The following COL18A1 variants were observed in gnomAD, a reference collection of about 807,000 sequenced individuals.
COL18A1 encodes collagen type XVIII alpha 1 chain, also known as collagen alpha-1(XVIII) chain.
Under a neutral mutation model 168.0 loss-of-function variants are expected in COL18A1, and 133 were observed. That is an observed-to-expected ratio of 0.79 (90% CI 0.69 to 0.91). The LOEUF is 0.91. Ranked by LOEUF, COL18A1 falls within the 40% of genes least tolerant of loss-of-function variation. The probability of loss-of-function intolerance (pLI) is 0.00; values close to 1 mark genes in which losing one functional copy is unlikely to be tolerated. For missense variants in COL18A1, 2,126 were observed against 1,925.4 expected, an observed-to-expected ratio of 1.10 and a Z score of -1.95; for synonymous variants, 949 against 809.0, an observed-to-expected ratio of 1.17 and a Z score of -2.94.
chr21:45,471,175 T>C lies in COL18A1; in HGVS notation c.651+2389T>C, dbSNP rs1478245899. On this transcript the variant is annotated intron_variant, in intron 3 of 41. Transcript: ENST00000651438. The surrounding 1 kb of genome is among the most constrained non-coding windows in gnomAD (Gnocchi z 4.4). The stretch of plus-strand genomic sequence containing the variant: ...TGGCGTGCAGCAGGCCGTGTGCTGC[T>C]GGGCGTGGGTGGCGCGCTATGGGCC... Among the ~76,000 whole-genome samples the C allele has an allele frequency of 3.9e-5, 6 of 152,006 alleles. No homozygotes were observed. The highest frequency in any genetic ancestry group is 8.8e-5 in the Non-Finnish European group (6 of 67,996).
chr21:45,498,838 G>A lies in COL18A1; in HGVS notation c.2683+1177G>A, dbSNP rs188746236. On this transcript the variant is annotated intron_variant, in intron 32 of 41. Coordinates refer to ENST00000651438, the MANE Select transcript of COL18A1 (RefSeq NM_001379500.1). The surrounding 1 kb of genome is among the most constrained non-coding windows in gnomAD (Gnocchi z 4.5). Reference sequence around the variant, plus strand: ...AAGGTCACACATTCAAAAGCCACAGGAAGTCTGGAGATGGCAGCAGAGAGC... The same window carrying A: ...AAGGTCACACATTCAAAAGCCACAGAAAGTCTGGAGATGGCAGCAGAGAGC... Among the ~76,000 whole-genome samples the A allele has an allele frequency of 6.6e-6, 1 of 152,322 alleles. No individual in the cohort carries two copies. Among genetic ancestry groups the A allele is most frequent in the African/African-American group, 2.4e-5 (1 of 41,564 alleles).
At chr21:45,496,605 C>G (rs756879040) in intron 30 of COL18A1, 37 bp downstream of exon 30, 383 of 922,304 alleles carry the variant, frequency 4.2e-4, no homozygotes, top group Non-Finnish European at 2.0e-5. Flanking sequence ...TACAGCCACC[C>G]TTGGCTGTCA....
At chr21:45,419,332 T>C (rs146575410) in intron 2 of COL18A1, among the ~76,000 whole-genome samples, 1 of 150,776 alleles carries the variant, frequency 6.6e-6, no homozygotes, top group Non-Finnish European at 1.5e-5. Flanking sequence ...TGTAGTTACA[T>C]GATGCTGTGT....
intron 4 of COL18A1, 106 bp downstream of exon 4, chr21:45,474,087 G>A (rs2035544329): frequency 9.6e-6 from 8 of 831,100 alleles, no homozygotes; most frequent in Non-Finnish European, 1.6e-5. Context: ...ACCACTTGGG[G>A]CACTGGGAAG....
chr21:45,445,646 A>G (rs1025808041), intron 2 of COL18A1, among the ~76,000 whole-genome samples: 2 of 152,106 alleles, frequency 1.3e-5, no homozygotes, highest in Admixed American at 6.5e-5. Context: ...TTTCCAGCCC[A>G]TGTTGGGTGT....
In COL18A1 at chr21:45,482,668, T is replaced by C. The variant is rs78304799; in HGVS notation, c.1675-127T>C. On this transcript the variant is annotated intron_variant, in intron 14 of 41. Transcript: ENST00000651438. ...ACAGCGGCAACAGCCTCAGAAACTA[T>C]TAAACCGGCACAGGCAGCAAAGCAG... 299 of 1,414,006 alleles carry C rather than the reference T, an allele frequency of 2.1e-4. 3 individuals are homozygous for C. The East Asian group carries it at 7.0e-3, about 33-fold the overall frequency. The allele number at this position is 1,414,006 out of a possible 1,614,324, so 87.6% of individuals were successfully genotyped here. A position where few individuals can be genotyped will look rare whatever the true frequency, so the allele number is the denominator to read the frequency against.
intron 37 of COL18A1, chr21:45,506,974 AGGC>A: frequency 7.4e-6 from 2 of 268,472 alleles, no homozygotes; most frequent in Non-Finnish European, 1.5e-5. Context: ...GTGTGCTTGT[AGGC>A]ACCCGGATGC....
intron 15 of COL18A1, among the ~76,000 whole-genome samples, chr21:45,484,078 T>A: frequency 9.0e-6 from 1 of 111,234 alleles, no homozygotes; most frequent in South Asian, 3.0e-4. Flanking sequence ...TTCTCCAGCA[T>A]ATGTACACAC....
intron 2 of COL18A1, 110 bp from the exon 3 acceptor site, chr21:45,468,132 C>A: frequency 1.6e-6 from 2 of 1,217,556 alleles, no homozygotes; most frequent in Admixed American, 1.9e-5. Flanking sequence ...AGAGCCCTCC[C>A]AGACTCAGTT....
intron 2 of COL18A1, among the ~76,000 whole-genome samples, chr21:45,461,903 C>T (rs936507573): frequency 1.3e-5 from 2 of 152,152 alleles, no homozygotes; most frequent in Admixed American, 6.5e-5. Flanking sequence ...GACTAGTGTC[C>T]TTTCATTTTA....
chr21:45,430,721 A>C (rs1048149558), intron 2 of COL18A1, among the ~76,000 whole-genome samples: 4 of 152,054 alleles, frequency 2.6e-5, no homozygotes, highest in African/African-American at 4.8e-5. Context: ...TCTAGGCAGG[A>C]GGCTGCACTG....
intron 2 of COL18A1, chr21:45,456,403 G>T (rs2034817588): frequency 6.5e-7 from 1 of 1,546,090 alleles, no homozygotes; most frequent in Non-Finnish European, 8.7e-7. Flanking sequence ...CACTGTCTCA[G>T]GTCGCAGTCA....
Position 45,491,323 on chromosome 21 carries a change from G to A in COL18A1, c.2157+9G>A, listed in dbSNP as rs747724063. 26 of 1,604,894 alleles carry A rather than the reference G, an allele frequency of 1.6e-5. No homozygotes were observed. In the South Asian group the frequency reaches 2.8e-4, roughly 17 times the overall value. On this transcript the variant is annotated intron_variant, in intron 22 of 41. Transcript: ENST00000651438. The stretch of plus-strand genomic sequence containing the variant: ...ACGTGTCGGAGCAGGACGTAAGGAC[G>A]CTGCGTGGGTGGGCACCCAATCTGT...
chr21:45,444,041 G>C (rs915691062), intron 2 of COL18A1, among the ~76,000 whole-genome samples: 6 of 152,208 alleles, frequency 3.9e-5, no homozygotes, highest in Non-Finnish European at 8.8e-5. Flanking sequence ...TGTGGGGAAC[G>C]TGCTTCCCGG....
intron 26 of COL18A1, chr21:45,494,257 C>T (rs1170348332): frequency 4.0e-6 from 2 of 501,474 alleles, no homozygotes; most frequent in African/African-American, 2.0e-5. Flanking sequence ...CTCCACCCTC[C>T]ACCCTCCACC....
intron 12 of COL18A1, 84 bp from the exon 13 acceptor site, chr21:45,480,616 G>A (rs562047141): frequency 1.9e-5 from 31 of 1,612,784 alleles, no homozygotes; most frequent in Non-Finnish European, 2.5e-5. Context: ...TGTGGGGGGT[G>A]GGGATGAGGC....
At chr21:45,488,780 C>T (rs531688069) in intron 18 of COL18A1, among the ~76,000 whole-genome samples, 11 of 152,276 alleles carry the variant, frequency 7.2e-5, no homozygotes, top group African/African-American at 2.6e-4. Context: ...CCACCTCAGC[C>T]TCAGGGACAG....
At chr21:45,480,247 CAG>C in intron 11 of COL18A1, 91 bp downstream of exon 11, 3 of 1,131,042 alleles carry the variant, frequency 2.7e-6, no homozygotes, top group Non-Finnish European at 3.9e-6. Flanking sequence ...GCTCCACCCT[CAG>C]GGGCTTGCGT....
chr21:45,503,435 A>G (rs1420568318), intron 32 of COL18A1, among the ~76,000 whole-genome samples: 1 of 152,074 alleles, frequency 6.6e-6, no homozygotes, highest in Non-Finnish European at 1.5e-5. Flanking sequence ...GCACATATAC[A>G]CCATGGAATA....
Sources: allele counts gnomAD v4.1 joint callset (sites outside exome capture counted in the v4.1 genomes callset), GRCh38; gene constraint gnomAD v4.1.1; non-coding constraint Gnocchi (gnomAD v3.1); transcripts MANE v1.5; gene names NCBI Gene and HGNC (gene_info 2026-07-23, HGNC 2026-07-21).